MYH8: variants seen among roughly 807,000 people sequenced by gnomAD.
MYH8 encodes myosin-8.
A neutral mutation model predicts 233.2 loss-of-function variants in MYH8; 168 were observed. The observed-to-expected ratio is 0.72, with a 90% confidence interval of 0.64 to 0.82. The LOEUF is 0.82. MYH8 is among the 40% of genes least tolerant of loss of function. The pLI is 0.00. For synonymous variants in MYH8, 785 were observed against 850.6 expected (o/e 0.92, Z 1.34); for missense variants, 1,995 against 2,327.8 (o/e 0.86, Z 2.94).
chr17:10,414,313 G>A lies in MYH8; in HGVS notation c.905-18C>T, dbSNP rs1333824116. The A allele has an allele frequency of 6.2e-7, 1 of 1,610,306 alleles. No individual in the cohort carries two copies. The highest frequency in any genetic ancestry group is 1.7e-5 in the Admixed American group (1 of 60,012). ...GAGCATTTCTGGGTCACAGAATTCA[G>A]GGCATACATTTTACATTAGACATTG... is the stretch of plus-strand genomic sequence containing the variant. On this transcript the variant is annotated intron_variant, in intron 10 of 39. Coordinates refer to ENST00000403437, the MANE Select transcript of MYH8 (RefSeq NM_002472.3).
At chr17:10,404,290 G>A in intron 22 of MYH8, 40 bp downstream of exon 22, 1 of 1,612,784 alleles carries the variant, frequency 6.2e-7, no homozygotes, top group South Asian at 1.1e-5. Flanking sequence ...TTTCAAAAAA[G>A]CTTCAGTAAC....
chr17:10,395,149 G>A lies in MYH8; in HGVS notation c.4946C>T (p.Thr1649Ile), dbSNP rs775934262. ...AAESLRNYRN[T>I]QGILKETQLH... ...CCCGTTTACCTTCAGGATTCCTTGGGTGTTCCTGTAGTTCCTTAAACTCTC... is the reference window on the plus strand; with the variant it reads ...CCCGTTTACCTTCAGGATTCCTTGGATGTTCCTGTAGTTCCTTAAACTCTC... The change falls in exon 34 of 40, where the codon ACC (threonine) becomes ATC (isoleucine). Residue 1649 changes from threonine to isoleucine, a missense_variant. Physicochemically the swap from Thr to Ile is moderately conservative, Grantham distance 89. Coordinates refer to ENST00000403437, the MANE Select transcript of MYH8 (RefSeq NM_002472.3). The A allele has an allele frequency of 3.1e-6, 5 of 1,613,322 alleles. No individual in the cohort carries two copies. The Admixed American group carries it at 5.0e-5, about 16-fold the overall frequency.
In MYH8 at chr17:10,395,309, C is replaced by T. The variant is rs61730807; in HGVS notation, c.4786G>A (p.Val1596Ile). Residue 1596 changes from valine (V) to isoleucine (I), a missense_variant, in exon 34 of 40, where the codon GTC becomes ATC. Coordinates refer to ENST00000403437, the MANE Select transcript of MYH8 (RefSeq NM_002472.3). The part of the protein sequence containing the change: ...IDQLKRNHTR[V>I]VETMQSTLDA... The stretch of plus-strand genomic sequence containing the variant: ...AGCGTGCTCTGCATTGTCTCCACGA[C>T]TCTAGTGTGGTTTCTCTTCAGCTGG... 8.8e-4 allele frequency: 1,414 copies of T among 1,614,184 alleles called. 4 individuals are homozygous for T. Among genetic ancestry groups the T allele is most frequent in the Middle Eastern group, 2.6e-3 (16 of 6,062 alleles).
At chr17:10,407,294 A>G (rs2072203415) in intron 17 of MYH8, among the ~76,000 whole-genome samples, 1 of 152,202 alleles carries the variant, frequency 6.6e-6, no homozygotes, top group Non-Finnish European at 1.5e-5. Context: ...ACAAAACATG[A>G]TGGCTTTGCT....
At chr17:10,411,677 C>G (rs2039680026) in intron 14 of MYH8, among the ~76,000 whole-genome samples, 1 of 152,248 alleles carries the variant, frequency 6.6e-6, no homozygotes, top group African/African-American at 2.4e-5. Flanking sequence ...TTAAGGAAAG[C>G]TGATCTTAAG....
Position 10,391,965 on chromosome 17 carries a change from G to A in MYH8, c.5581C>T (p.Arg1861Cys), listed in dbSNP as rs760517620. ...TCCTGCAGCCTGAGAACATTCTTGC[G>A]ATCTTCTTCAGTCTGAAAGTTTGAA... ...KELTYQTEED[R>C]KNVLRLQDLV... Residue 1861 changes from arginine (R) to cysteine (C), a missense_variant, in exon 39 of 40, where the codon CGC (arginine) becomes TGC (cysteine). Coordinates refer to ENST00000403437, the MANE Select transcript of MYH8 (RefSeq NM_002472.3). 5.6e-5 allele frequency: 90 copies of A among 1,613,704 alleles called. 1 individual carries two copies. Among genetic ancestry groups the A allele is most frequent in the South Asian group, 2.2e-4 (20 of 91,076 alleles).
At chr17:10,410,745 A>C in intron 15 of MYH8, 32 bp downstream of exon 15, 1 of 1,614,026 alleles carries the variant, frequency 6.2e-7, no homozygotes, top group South Asian at 1.1e-5. Context: ...AGTGATCCTC[A>C]CAGTCTGCCC....
intron 35 of MYH8, among the ~76,000 whole-genome samples, chr17:10,393,742 T>C (rs993117393): frequency 2.6e-5 from 4 of 152,190 alleles, no homozygotes; most frequent in African/African-American, 9.7e-5. Flanking sequence ...ATATTTTTGG[T>C]TGTCAAAATG....
At position 10,391,964 on chromosome 17, in the gene MYH8, C is replaced by T. The variant is rs1197069498; in HGVS notation, c.5582G>A (p.Arg1861His). ...KELTYQTEED[R>H]KNVLRLQDLV... ...GTCCTGCAGCCTGAGAACATTCTTG[C>T]GATCTTCTTCAGTCTGAAAGTTTGA... Residue 1861 changes from arginine to histidine, a missense_variant, in exon 39 of 40, where the codon CGC (arginine) becomes CAC (histidine). By Grantham distance (29) the Arg-to-His change is conservative. This residue lies in a region of MYH8 where 1,498 missense variants were observed against 1,680.9 expected (regional missense o/e 0.89). Transcript: ENST00000403437. 9 of 1,613,872 alleles carry T rather than the reference C, an allele frequency of 5.6e-6. No individual in the cohort carries two copies. The highest frequency in any genetic ancestry group is 1.6e-4 in the Middle Eastern group (1 of 6,062).
At position 10,398,440 on chromosome 17, in the gene MYH8, A is replaced by T; in HGVS notation, c.4178+4T>A. ...GTTCCTCTTCTAGAGTTCACAGCAC[A>T]TACTTGGCCTCCTCCAGCTCCTCTG... On this transcript the variant is annotated splice_donor_region_variant and intron_variant, in intron 30 of 39. Coordinates refer to ENST00000403437, the MANE Select transcript of MYH8 (RefSeq NM_002472.3). 1 of 1,613,984 alleles carries T rather than the reference A, an allele frequency of 6.2e-7. No individual in the cohort carries two copies. The highest frequency in any genetic ancestry group is 1.3e-5 in the African/African-American group (1 of 75,048).
Position 10,406,411 on chromosome 17 carries a change from G to A in MYH8, c.2172-14C>T. On this transcript the variant is annotated splice_polypyrimidine_tract_variant and intron_variant, in intron 19 of 39. Coordinates refer to ENST00000403437, the MANE Select transcript of MYH8 (RefSeq NM_002472.3). ...AAAACCTTGTATCTGCTCAGTTAAA[G>A]AAAGAAAGAATGGTTAGGAAAATGT... is the stretch of plus-strand genomic sequence containing the variant. 1 of 1,613,608 alleles carries A rather than the reference G, an allele frequency of 6.2e-7. No homozygotes were observed.
chr17:10,408,813 T>A (rs758842085), intron 17 of MYH8, among the ~76,000 whole-genome samples: 7 of 152,232 alleles, frequency 4.6e-5, no homozygotes, highest in South Asian at 2.1e-4. Context: ...CAGGGACAGC[T>A]TTGAAGTTTA....
At chr17:10,414,129 C>CAGT (rs1377994027) in intron 11 of MYH8, 63 bp downstream of exon 11, 2 of 1,607,454 alleles carry the variant, frequency 1.2e-6, no homozygotes, top group Admixed American at 3.3e-5. Context: ...ACCACACCTA[C>CAGT]AGTAGTTTGC....
Position 10,406,808 on chromosome 17 carries a change from C to T in MYH8, c.2054-1G>A. The T allele has an allele frequency of 6.2e-7, 1 of 1,614,018 alleles. No individual in the cohort carries two copies. The highest frequency in any genetic ancestry group is 8.5e-7 in the Non-Finnish European group (1 of 1,179,922). Reference sequence around the variant, plus strand: ...AACACAAGTTCATGTTCCATTGCCCCTAAAAATATAGAACAGTACTTATTA... The same window carrying T: ...AACACAAGTTCATGTTCCATTGCCCTTAAAAATATAGAACAGTACTTATTA... On this transcript the variant is annotated splice_acceptor_variant, in intron 18 of 39. Transcript: ENST00000403437. LOFTEE classifies it high-confidence loss of function.
Position 10,396,588 on chromosome 17 carries a change from A to T in MYH8, c.4493T>A (p.Leu1498His), listed in dbSNP as rs1201409140. ...KNVYEESLDQ[L>H]ETLRRENKNL... is the part of the protein sequence containing the mutation. Reference sequence around the variant, plus strand: ...CTTATTTTCTCTTCTTAGCGTTTCGAGTTGATCCAGGGATTCCTCATAGAC... The same window carrying T: ...CTTATTTTCTCTTCTTAGCGTTTCGTGTTGATCCAGGGATTCCTCATAGAC... Residue 1498 changes from leucine (L) to histidine (H), a missense_variant, in exon 32 of 40, where the codon CTC becomes CAC. Around this residue, in one of 3 missense-constraint regions of MYH8, gnomAD observed 1,498 missense variants for 1,680.9 expected, o/e 0.89. Coordinates refer to ENST00000403437, the MANE Select transcript of MYH8 (RefSeq NM_002472.3). The surrounding 1 kb of genome is among the most constrained non-coding windows in gnomAD (Gnocchi z 4.2). 1.2e-6 allele frequency: 2 copies of T among 1,614,154 alleles called. No homozygotes were observed. The highest frequency in any genetic ancestry group is 8.5e-7 in the Non-Finnish European group (1 of 1,180,018).
chr17:10,395,485 T>A (rs765481867), intron 33 of MYH8, 44 bp from the exon 34 acceptor site: 28 of 1,598,042 alleles, frequency 1.8e-5, no homozygotes, highest in Middle Eastern at 3.3e-4. Flanking sequence ...AGAACCTGAG[T>A]ATTTGGAGTA....
In MYH8 at chr17:10,395,357, C is replaced by T. The variant is rs181695343; in HGVS notation, c.4738G>A (p.Ala1580Thr). 132 of 1,614,098 alleles carry T rather than the reference C, an allele frequency of 8.2e-5. No homozygotes were observed. Among genetic ancestry groups the T allele is most frequent in the Middle Eastern group, 3.3e-4 (2 of 6,060 alleles). Reference protein sequence around the residue: ...QVKSEVDRKIAEKDEEIDQLK... With the variant: ...QVKSEVDRKITEKDEEIDQLK... ...TGGTCAATTTCCTCATCCTTTTCTG[C>T]GATTTTTCTATCAACTTCAGACTTG... is the stretch of plus-strand genomic sequence containing the variant. Residue 1580 changes from alanine (A) to threonine (T), a missense_variant, in exon 34 of 40, where the codon GCA becomes ACA. Coordinates refer to ENST00000403437, the MANE Select transcript of MYH8 (RefSeq NM_002472.3).
Position 10,400,993 on chromosome 17 carries a change from A to G in MYH8, c.3255-34T>C. On this transcript the variant is annotated intron_variant, in intron 25 of 39. Transcript: ENST00000403437. This position sits in a 1 kb window ranked among gnomAD's most constrained non-coding sequence, Gnocchi z 4.0. ...AGAAGAGCAAGACGTATTAATACTCATGTGAATTGAAAGATGATATCACAT... is the reference window on the plus strand; with the variant it reads ...AGAAGAGCAAGACGTATTAATACTCGTGTGAATTGAAAGATGATATCACAT... The G allele has an allele frequency of 6.2e-7, 1 of 1,613,658 alleles. No individual in the cohort carries two copies.
intron 20 of MYH8, 41 bp from the exon 21 acceptor site, chr17:10,406,218 G>A (rs1378497384): frequency 1.2e-6 from 2 of 1,613,934 alleles, no homozygotes; most frequent in Non-Finnish European, 1.7e-6. Flanking sequence ...CATACTGCAG[G>A]AGATGCAGAA....
Sources: allele counts gnomAD v4.1 joint callset (sites outside exome capture counted in the v4.1 genomes callset), GRCh38; gene constraint gnomAD v4.1.1; regional missense constraint gnomAD v4.1.1; non-coding constraint Gnocchi (gnomAD v3.1); transcripts MANE v1.5; gene names NCBI Gene and HGNC (gene_info 2026-07-23, HGNC 2026-07-21).